The following CUL3 variants were observed in gnomAD, a reference collection of about 807,000 sequenced individuals.
The protein encoded by CUL3 is cullin-3.
Under a neutral mutation model 89.1 loss-of-function variants are expected in CUL3, and 19 were observed. The observed-to-expected ratio is 0.21, with a 90% CI of 0.15 to 0.31. CUL3 has a LOEUF of 0.31. CUL3 is among the 10% of genes least tolerant of loss of function. The probability of loss-of-function intolerance (pLI) is 1.00; values close to 1 mark genes in which losing one functional copy is unlikely to be tolerated. For synonymous variants in CUL3, 351 were observed against 308.4 expected (o/e 1.14, Z -1.45); for missense variants, 469 against 942.3 (o/e 0.50, Z 6.58).
intron 15 of CUL3, 108 bp from the exon 16 acceptor site, chr2:224,474,484 G>T: frequency 2.4e-6 from 2 of 837,846 alleles, no homozygotes; most frequent in African/African-American, 1.7e-5. Context: ...TTACTAACTG[G>T]ATTACCAAAG....
At chr2:224,528,294 C>T (rs1559177434) in intron 3 of CUL3, among the ~76,000 whole-genome samples, 1 of 152,098 alleles carries the variant, frequency 6.6e-6, no homozygotes, top group Non-Finnish European at 1.5e-5. Flanking sequence ...CTAGTGCCCC[C>T]GCCTCCATTT....
intron 1 of CUL3, among the ~76,000 whole-genome samples, chr2:224,581,030 A>G (rs1299404037): frequency 6.6e-6 from 1 of 152,178 alleles, no homozygotes; most frequent in East Asian, 1.9e-4. Context: ...AGAACAGTTA[A>G]TAATACTATA....
At chr2:224,553,130 T>C (rs577353313) in intron 2 of CUL3, among the ~76,000 whole-genome samples, 1 of 152,360 alleles carries the variant, frequency 6.6e-6, no homozygotes, top group South Asian at 2.1e-4. Context: ...CAGATGGTCC[T>C]ACCTATCAGT....
chr2:224,530,020 C>T (rs983459704), intron 3 of CUL3, among the ~76,000 whole-genome samples: 3 of 152,038 alleles, frequency 2.0e-5, no homozygotes, highest in Admixed American at 2.0e-4. Flanking sequence ...GGGCAGATCA[C>T]GAGGTCAGGA....
At chr2:224,521,455 G>C (rs967757343) in intron 3 of CUL3, among the ~76,000 whole-genome samples, 24 of 149,068 alleles carry the variant, frequency 1.6e-4, no homozygotes, top group Non-Finnish European at 3.3e-4. Context: ...TTTTGAGACA[G>C]AGTCTCGCTC....
At chr2:224,516,101 G>A (rs562873963) in intron 3 of CUL3, among the ~76,000 whole-genome samples, 3 of 152,050 alleles carry the variant, frequency 2.0e-5, no homozygotes, top group Non-Finnish European at 2.9e-5. Context: ...CTAATAACAA[G>A]GAAAGCTATT....
intron 10 of CUL3, among the ~76,000 whole-genome samples, chr2:224,502,213 C>G (rs1458070409): frequency 6.6e-6 from 1 of 152,056 alleles, no homozygotes; most frequent in Non-Finnish European, 1.5e-5. Context: ...ATTTAGATAC[C>G]AAAGGAAAAG....
At chr2:224,480,296 T>C (rs1176311225) in intron 14 of CUL3, among the ~76,000 whole-genome samples, 1 of 152,224 alleles carries the variant, frequency 6.6e-6, no homozygotes, top group African/African-American at 2.4e-5. Flanking sequence ...TATTTGATTA[T>C]GTTACTGAGC....
chr2:224,537,910 G>C (rs1190203496), intron 2 of CUL3, among the ~76,000 whole-genome samples: 1 of 151,954 alleles, frequency 6.6e-6, no homozygotes, highest in Non-Finnish European at 1.5e-5. Flanking sequence ...ACAAAATAAG[G>C]CATGTTCTTT....
chr2:224,522,536 A>G (rs1475809001), intron 3 of CUL3, among the ~76,000 whole-genome samples: 1 of 152,168 alleles, frequency 6.6e-6, no homozygotes, highest in African/African-American at 2.4e-5. Context: ...AGCCACTACT[A>G]AAAAGCTCAG....
intron 1 of CUL3, among the ~76,000 whole-genome samples, chr2:224,580,738 TG>T (rs1695416976): frequency 1.3e-5 from 2 of 152,282 alleles, no homozygotes; most frequent in South Asian, 4.1e-4. Flanking sequence ...ATATTACTGA[TG>T]GGAATTTATC....
intron 1 of CUL3, among the ~76,000 whole-genome samples, chr2:224,579,995 G>C (rs1350471561): frequency 6.6e-6 from 1 of 152,168 alleles, no homozygotes; most frequent in Non-Finnish European, 1.5e-5. Context: ...AGGTTCACCT[G>C]AAAGCAACTA....
At chr2:224,577,631 C>A (rs1330690532) in intron 1 of CUL3, among the ~76,000 whole-genome samples, 3 of 151,346 alleles carry the variant, frequency 2.0e-5, no homozygotes, top group Non-Finnish European at 4.4e-5. Context: ...AGCCCACACT[C>A]TTAACTACTA....
At chr2:224,571,112 C>A (rs1003216820) in intron 1 of CUL3, among the ~76,000 whole-genome samples, 3 of 152,094 alleles carry the variant, frequency 2.0e-5, no homozygotes, top group African/African-American at 7.2e-5. Flanking sequence ...TGTCACTGTC[C>A]TACTATTGGT....
chr2:224,532,476 CAAG>C (rs1693731396), intron 3 of CUL3, among the ~76,000 whole-genome samples: 4 of 97,618 alleles, frequency 4.1e-5, no homozygotes, highest in East Asian at 3.8e-4. Flanking sequence ...AAAAAAAAAA[CAAG>C]GAGAATGGGG....
chr2:224,476,030 GTT>G (rs36057054), intron 15 of CUL3, among the ~76,000 whole-genome samples: 1 of 147,632 alleles, frequency 6.8e-6, no homozygotes, highest in Non-Finnish European at 1.5e-5. Context: ...TTTTTTATTA[GTT>G]TTTTTTTTTG....
At position 224,504,054 on chromosome 2, in the gene CUL3, G is replaced by A. The variant is rs753567194; in HGVS notation, c.1207-232C>T. 4.6e-5 allele frequency: 17 copies of A among 370,900 alleles called. 1 individual carries two copies. The highest frequency in any genetic ancestry group is 6.3e-5 in the Non-Finnish European group (13 of 205,874). The allele number at this position is 370,900 out of a possible 1,614,324, so 23.0% of individuals were successfully genotyped here. The stretch of plus-strand genomic sequence containing the variant: ...AGGGGTTGGAGTGGAATTCTATTCC[G>A]TAGAGGGCTACCACTGAATTGGAGG... On this transcript the variant is annotated intron_variant, in intron 8 of 15. Coordinates refer to ENST00000264414, the MANE Select transcript of CUL3 (RefSeq NM_003590.5).
intron 13 of CUL3, among the ~76,000 whole-genome samples, chr2:224,490,325 C>T (rs966339685): frequency 1.2e-4 from 18 of 152,116 alleles, no homozygotes; most frequent in African/African-American, 4.3e-4. Flanking sequence ...TCTCTAACCC[C>T]CTCTCTCTCT....
At chr2:224,481,111 TATAA>T (rs1691524017) in intron 14 of CUL3, among the ~76,000 whole-genome samples, 1 of 152,132 alleles carries the variant, frequency 6.6e-6, no homozygotes, top group Non-Finnish European at 1.5e-5. Flanking sequence ...TAATATACAA[TATAA>T]ATAACATTTT....
Sources: allele counts gnomAD v4.1 joint callset (sites outside exome capture counted in the v4.1 genomes callset), GRCh38; gene constraint gnomAD v4.1.1; transcripts MANE v1.5; gene names NCBI Gene and HGNC (gene_info 2026-07-23, HGNC 2026-07-21).